NIBAN1: variants seen among roughly 807,000 people sequenced by gnomAD.
The protein encoded by NIBAN1 is niban apoptosis regulator 1.
Under a neutral mutation model 75.1 loss-of-function variants are expected in NIBAN1, and 81 were observed. The ratio of observed to expected loss-of-function variants is 1.08; its 90% CI spans 0.90 to 1.30. The LOEUF is 1.30. Ranked by LOEUF, NIBAN1 falls within the 50% of genes most tolerant of loss-of-function variation. NIBAN1 has a pLI of 0.00. For missense variants in NIBAN1, 1,133 were observed against 1,128.1 expected, an observed-to-expected ratio of 1.00 and a Z score of -0.06; for synonymous variants, 436 against 424.8, an observed-to-expected ratio of 1.03 and a Z score of -0.32.
At chr1:184,878,729 C>A (rs1656298287) in intron 5 of NIBAN1, among the ~76,000 whole-genome samples, 7 of 152,180 alleles carry the variant, frequency 4.6e-5, no homozygotes, top group Admixed American at 4.6e-4. Context: ...AGAGATGAGT[C>A]TTTTAGAAAG....
At chr1:184,949,918 G>A (rs1027047416) in intron 1 of NIBAN1, among the ~76,000 whole-genome samples, 2 of 152,094 alleles carry the variant, frequency 1.3e-5, no homozygotes, top group African/African-American at 4.8e-5. Flanking sequence ...CCATAGGTAA[G>A]GCTCTTGCAC....
At chr1:184,877,288 A>T (rs1314518311) in intron 5 of NIBAN1, among the ~76,000 whole-genome samples, 2 of 152,148 alleles carry the variant, frequency 1.3e-5, no homozygotes, top group Non-Finnish European at 2.9e-5. Flanking sequence ...AAAACACACA[A>T]AATGATTAAG....
intron 1 of NIBAN1, among the ~76,000 whole-genome samples, chr1:184,967,217 C>CTT (rs1332419606): frequency 6.6e-6 from 1 of 150,802 alleles, no homozygotes; most frequent in Non-Finnish European, 1.5e-5. Flanking sequence ...CTCTCTCTCT[C>CTT]TCTGTGTGTG....
chr1:184,937,145 C>CTTTTTTTTTTTT (rs138240427), intron 1 of NIBAN1, among the ~76,000 whole-genome samples: 1 of 92,126 alleles, frequency 1.1e-5, no homozygotes, highest in Non-Finnish European at 2.0e-5. Context: ...TAGCTGGATT[C>CTTTTTTTTTTTT]TTTTTTTTTT....
chr1:184,911,157 A>C (rs963556105), intron 1 of NIBAN1, among the ~76,000 whole-genome samples: 2 of 152,206 alleles, frequency 1.3e-5, no homozygotes, highest in African/African-American at 4.8e-5. Flanking sequence ...CAACTAAAAT[A>C]CATTATTGAG....
chr1:184,893,084 C>T (rs1192864000), intron 3 of NIBAN1, among the ~76,000 whole-genome samples: 1 of 152,142 alleles, frequency 6.6e-6, no homozygotes, highest in African/African-American at 2.4e-5. Flanking sequence ...CTTGACTATT[C>T]TTGAGCTTAG....
In NIBAN1 at chr1:184,974,235, C is replaced by G; in HGVS notation, c.55+67G>C. On this transcript the variant is annotated intron_variant, in intron 1 of 13. Coordinates refer to ENST00000367511, the MANE Select transcript of NIBAN1 (RefSeq NM_052966.4). ...GCCCGGGGCGCGCCCCTTGGGGCCC[C>G]GACCGCGGCAGCCAGCCTGGTGCAC... 2.1e-6 allele frequency: 3 copies of G among 1,418,552 alleles called. No homozygotes were observed. In the South Asian group the frequency reaches 4.4e-5, roughly 21 times the overall value. 87.9% of individuals were successfully genotyped at this position (1,418,552 alleles called of 1,614,324 possible). A position where few individuals can be genotyped will look rare whatever the true frequency, so the allele number is the denominator to read the frequency against.
chr1:184,833,945 G>A (rs542908768), intron 5 of NIBAN1, among the ~76,000 whole-genome samples: 2 of 151,292 alleles, frequency 1.3e-5, no homozygotes, highest in African/African-American at 4.9e-5. Context: ...TGCCATGCAG[G>A]TTTGCTGCAC....
At chr1:184,922,012 C>G (rs1041614064) in intron 1 of NIBAN1, among the ~76,000 whole-genome samples, 2 of 152,220 alleles carry the variant, frequency 1.3e-5, no homozygotes, top group Admixed American at 1.3e-4. Flanking sequence ...GAATTACACG[C>G]ACATAATTAA....
chr1:184,816,388 T>G (rs1654535919), intron 9 of NIBAN1, among the ~76,000 whole-genome samples: 1 of 152,194 alleles, frequency 6.6e-6, no homozygotes, highest in Non-Finnish European at 1.5e-5. Flanking sequence ...ATGAATGACA[T>G]GCTGAGACCA....
At chr1:184,966,240 C>T (rs976106119) in intron 1 of NIBAN1, among the ~76,000 whole-genome samples, 1 of 152,182 alleles carries the variant, frequency 6.6e-6, no homozygotes, top group Non-Finnish European at 1.5e-5. Context: ...AGTAATGTGG[C>T]GCCATTCCAG....
At chr1:184,815,646 A>C (rs1344300511) in intron 9 of NIBAN1, among the ~76,000 whole-genome samples, 1 of 152,144 alleles carries the variant, frequency 6.6e-6, no homozygotes, top group Non-Finnish European at 1.5e-5. Context: ...GTATAATTTT[A>C]TTTGTGAAGG....
intron 5 of NIBAN1, among the ~76,000 whole-genome samples, chr1:184,857,266 G>C (rs1655704073): frequency 6.6e-6 from 1 of 152,192 alleles, no homozygotes; most frequent in Admixed American, 6.5e-5. Flanking sequence ...TAAGGACAGA[G>C]CCTGCACTTG....
chr1:184,955,472 G>T (rs1658465491), intron 1 of NIBAN1, among the ~76,000 whole-genome samples: 1 of 151,922 alleles, frequency 6.6e-6, no homozygotes, highest in Admixed American at 6.6e-5. Context: ...CCGAGTAGCT[G>T]GGACTACAGG....
chr1:184,875,366 G>A (rs1656204966), intron 5 of NIBAN1, among the ~76,000 whole-genome samples: 2 of 152,198 alleles, frequency 1.3e-5, no homozygotes, highest in African/African-American at 4.8e-5. Flanking sequence ...GGTCTCTCAT[G>A]AAGCTGCAGT....
chr1:184,945,673 C>T (rs1351170105), intron 1 of NIBAN1, among the ~76,000 whole-genome samples: 1 of 152,146 alleles, frequency 6.6e-6, no homozygotes. Flanking sequence ...GCTACTTTAA[C>T]GGTCTTTTGG....
intron 3 of NIBAN1, among the ~76,000 whole-genome samples, chr1:184,893,543 T>C (rs1168868386): frequency 6.6e-6 from 1 of 151,886 alleles, no homozygotes; most frequent in East Asian, 1.9e-4. Flanking sequence ...GGAAATAAAG[T>C]ATGTGAGGCA....
At chr1:184,966,759 A>G (rs1557934563) in intron 1 of NIBAN1, among the ~76,000 whole-genome samples, 1 of 152,216 alleles carries the variant, frequency 6.6e-6, no homozygotes, top group Non-Finnish European at 1.5e-5. Context: ...TTTCTTTTAA[A>G]ATAAAAATAG....
chr1:184,920,587 C>A lies in NIBAN1; in HGVS notation c.56-21278G>T, dbSNP rs906111731. ...CTATTAGTAACCACTACTCTACTCT[C>A]CACTTCTATGAGATGAACTTTTTTA... On this transcript the variant is annotated intron_variant, in intron 1 of 13. Coordinates refer to ENST00000367511, the MANE Select transcript of NIBAN1 (RefSeq NM_052966.4). Among the ~76,000 whole-genome samples, 40 of 152,148 alleles carry A rather than the reference C, an allele frequency of 2.6e-4. 1 individual carries two copies. The highest frequency in any genetic ancestry group is 1.9e-3 in the Admixed American group (29 of 15,278).
Sources: allele counts gnomAD v4.1 joint callset (sites outside exome capture counted in the v4.1 genomes callset), GRCh38; gene constraint gnomAD v4.1.1; transcripts MANE v1.5; gene names NCBI Gene and HGNC (gene_info 2026-07-23, HGNC 2026-07-21).